Variants in RBPJ observed in about 807,000 individuals in gnomAD.
The protein encoded by RBPJ is recombination signal binding protein for immunoglobulin kappa J region, also known as recombining binding protein suppressor of hairless.
RBPJ carries 9 observed loss-of-function variants against 67.8 expected under a neutral mutation model. The observed-to-expected ratio is 0.13, with a 90% CI of 0.08 to 0.23. The LOEUF (loss-of-function observed/expected upper bound fraction) is 0.23. Ranked by LOEUF, RBPJ falls within the 10% of genes least tolerant of loss-of-function variation. The probability of loss-of-function intolerance (pLI) is 1.00; values close to 1 mark genes in which losing one functional copy is unlikely to be tolerated. For missense variants in RBPJ, 305 were observed against 595.6 expected (o/e 0.51, Z 5.08); for synonymous variants, 198 against 203.3 (o/e 0.97, Z 0.22).
rs1241294914 is a variant in RBPJ at position 26,301,591 on chromosome 4, C to CA, written c.-166-60842dup. Among the ~76,000 whole-genome samples the CA allele has an allele frequency of 3.0e-3, 240 of 81,038 alleles. 2 individuals are homozygous for CA. The highest frequency in any genetic ancestry group is 7.3e-3 in the African/African-American group (153 of 21,054). 53.2% of individuals were successfully genotyped at this position (81,038 alleles called of 152,430 possible). A position where few individuals can be genotyped will look rare whatever the true frequency, so the allele number is the denominator to read the frequency against. On this transcript the variant is annotated intron_variant, in intron 1 of 4. Coordinates refer to the RBPJ transcript ENST00000512351. ...TGGGTGACAGAGCGAGACTCTGTCT[C>CA]AAAAAAAAAAAAAGAAAAAAATTTA...
At chr4:26,273,606 A>T (rs1720982116) in intron 1 of RBPJ, among the ~76,000 whole-genome samples, 1 of 152,226 alleles carries the variant, frequency 6.6e-6, no homozygotes. Context: ...CTCAGGGAAG[A>T]ACCACTCTGT....
intron 1 of RBPJ, among the ~76,000 whole-genome samples, chr4:26,292,797 C>CATAT (rs141137479): frequency 6.7e-6 from 1 of 148,246 alleles, no homozygotes. Context: ...GAGGTATATA[C>CATAT]ATATATATAT....
At chr4:26,416,796 T>G (rs111665565) in intron 4 of RBPJ, among the ~76,000 whole-genome samples, 3,632 of 152,254 alleles carry the variant, frequency 0.024, 125 homozygotes, top group African/African-American at 0.072. Context: ...TACTCTCAAA[T>G]TGAATTTTAG....
intron 3 of RBPJ, among the ~76,000 whole-genome samples, chr4:26,407,712 A>G (rs188789021): frequency 6.6e-6 from 1 of 152,204 alleles, no homozygotes; most frequent in African/African-American, 2.4e-5. Flanking sequence ...TGTGAAAGGA[A>G]TGAGTAGAAT....
chr4:26,289,351 C>A, intron 1 of RBPJ, among the ~76,000 whole-genome samples: 1 of 134,962 alleles, frequency 7.4e-6, no homozygotes, highest in African/African-American at 2.8e-5. Flanking sequence ...AACCACTGCA[C>A]TCCAGCCTCA....
In RBPJ at chr4:26,264,751, A is replaced by T. The variant is rs1465398775; in HGVS notation, c.-166-97695A>T. On this transcript the variant is annotated intron_variant, in intron 1 of 4. Coordinates refer to the RBPJ transcript ENST00000512351. This position sits in a 1 kb window ranked among gnomAD's most constrained non-coding sequence, Gnocchi z 4.1. ...GTTGTCACTTTCTTGGCCCCTCAAG[A>T]TGACGTTGGTGCCCCTGCACTGTGC... Among the ~76,000 whole-genome samples, 1 of 152,164 alleles carries T rather than the reference A, an allele frequency of 6.6e-6. No homozygotes were observed. The highest frequency in any genetic ancestry group is 1.5e-5 in the Non-Finnish European group (1 of 68,024).
chr4:26,179,343 C>A (rs1266662758), intron 1 of RBPJ, among the ~76,000 whole-genome samples: 1 of 150,970 alleles, frequency 6.6e-6, no homozygotes, highest in Non-Finnish European at 1.5e-5. Flanking sequence ...GTCAGATTCC[C>A]CAAAGAGTTA....
chr4:26,325,165 T>A (rs993006925), intron 1 of RBPJ, among the ~76,000 whole-genome samples: 1 of 152,192 alleles, frequency 6.6e-6, no homozygotes, highest in African/African-American at 2.4e-5. Context: ...ATTTAATTAC[T>A]GAGAACTGAT....
chr4:26,414,727 A>G (rs965313521), intron 3 of RBPJ, among the ~76,000 whole-genome samples: 1 of 152,288 alleles, frequency 6.6e-6, no homozygotes, highest in Non-Finnish European at 1.5e-5. Context: ...ATAAAAGATT[A>G]TAAGAAAATC....
rs1318305261 is a variant in RBPJ, at chr4:26,431,443, T to A, written c.*436T>A. 1 of 161,972 alleles carries A rather than the reference T, an allele frequency of 6.2e-6. No individual in the cohort carries two copies. The highest frequency in any genetic ancestry group is 1.4e-5 in the Non-Finnish European group (1 of 73,826). 10.0% of individuals were successfully genotyped at this position (161,972 alleles called of 1,614,324 possible). On this transcript the variant is annotated 3_prime_UTR_variant, in exon 11 of 11. Transcript: ENST00000355476. Reference sequence around the variant, plus strand: ...GGTACATTTTCACCATACCTTTTTTTATATCACGGTATTATAGTACACCTT... The same window carrying A: ...GGTACATTTTCACCATACCTTTTTTAATATCACGGTATTATAGTACACCTT...
In RBPJ at chr4:26,368,934, G is replaced by C. The variant is rs895061989; in HGVS notation, c.21-17419G>C. ...AAAGCATTCATATTTGAAATAAACA[G>C]TCACTATCTCTGTAGGGAGCCAATT... On this transcript the variant is annotated intron_variant, in intron 1 of 10. Coordinates refer to ENST00000355476, the MANE Select transcript of RBPJ (RefSeq NM_015874.6). Among the ~76,000 whole-genome samples, 6 of 152,194 alleles carry C rather than the reference G, an allele frequency of 3.9e-5. No homozygotes were observed. The South Asian group carries it at 1.2e-3, about 31-fold the overall frequency.
At chr4:26,209,098 A>AAAAAAT (rs1553848907) in intron 1 of RBPJ, among the ~76,000 whole-genome samples, 11 of 146,996 alleles carry the variant, frequency 7.5e-5, no homozygotes, top group African/African-American at 2.7e-4. Flanking sequence ...GAAGAAAAAA[A>AAAAAAT]ATATATATAT....
the RBPJ span, among the ~76,000 whole-genome samples, chr4:26,143,206 C>A: frequency 6.6e-6 from 1 of 152,214 alleles, no homozygotes; most frequent in Non-Finnish European, 1.5e-5. Context: ...TCTGCTCCCT[C>A]AGTGGTCCAA....
chr4:26,170,916 CA>C (rs778584022), intron 1 of RBPJ, among the ~76,000 whole-genome samples: 1 of 152,170 alleles, frequency 6.6e-6, no homozygotes, highest in Non-Finnish European at 1.5e-5. Flanking sequence ...CTCCTTTGCA[CA>C]ATTGCTTCAA....
intron 1 of RBPJ, among the ~76,000 whole-genome samples, chr4:26,308,369 A>G (rs1163468211): frequency 1.3e-5 from 2 of 152,238 alleles, no homozygotes; most frequent in Non-Finnish European, 2.9e-5. Context: ...TATTGTATAA[A>G]ACAAAGTATG....
At chr4:26,348,136 T>C (rs775677668) in intron 1 of RBPJ, among the ~76,000 whole-genome samples, 1 of 152,006 alleles carries the variant, frequency 6.6e-6, no homozygotes, top group Non-Finnish European at 1.5e-5. Context: ...TAATTTTGTA[T>C]TTTTAGTAGA....
chr4:26,379,181 TG>T (rs1197471335), intron 1 of RBPJ, among the ~76,000 whole-genome samples: 2 of 152,042 alleles, frequency 1.3e-5, no homozygotes, highest in African/African-American at 2.4e-5. Flanking sequence ...TGGGTTTTTT[TG>T]TTTTTGTTTT....
chr4:26,197,382 A>G (rs1380070851), intron 1 of RBPJ, among the ~76,000 whole-genome samples: 1 of 152,214 alleles, frequency 6.6e-6, no homozygotes, highest in Non-Finnish European at 1.5e-5. Context: ...CATCCAGTAC[A>G]GCTAAGGAAG....
the RBPJ span, among the ~76,000 whole-genome samples, chr4:26,138,500 C>G: frequency 3.9e-4 from 59 of 152,178 alleles, no homozygotes; most frequent in African/African-American, 1.4e-3. Context: ...GTTGGCGGAA[C>G]TAAGTTCCAG....
Sources: allele counts gnomAD v4.1 joint callset (sites outside exome capture counted in the v4.1 genomes callset), GRCh38; gene constraint gnomAD v4.1.1; non-coding constraint Gnocchi (gnomAD v3.1); transcripts MANE v1.5; gene names NCBI Gene and HGNC (gene_info 2026-07-23, HGNC 2026-07-21).